Variants in GAMT observed in about 807,000 individuals in gnomAD.
GAMT encodes guanidinoacetate N-methyltransferase, also known as epididymis secretory protein Li 20.
In GAMT, 26 loss-of-function variants were observed where a neutral mutation model predicts 26.9. The ratio of observed to expected loss-of-function variants is 0.97; its 90% CI spans 0.71 to 1.34. The LOEUF is 1.34. Ranked by LOEUF, GAMT falls within the 40% of genes most tolerant of loss-of-function variation. The probability of loss-of-function intolerance (pLI) is 0.00; values close to 1 mark genes in which losing one functional copy is unlikely to be tolerated. For missense variants in GAMT, 412 were observed against 345.0 expected (o/e 1.19, Z -1.54); for synonymous variants, 169 against 149.6 (o/e 1.13, Z -0.95).
rs2074899 is a variant in GAMT, at chr19:1,397,505, C to T, written c.571-6G>A. 0.041 allele frequency: 65,326 copies of T among 1,601,914 alleles called. 3,667 individuals are homozygous for T. The highest frequency in any genetic ancestry group is 0.25 in the East Asian group (11,235 of 44,850). ...AGCGCGGGCACCTGCGTCTCCTGGT[C>T]GGGGATGGCACCAGGTCACCTCTGA... is the stretch of plus-strand genomic sequence containing the variant. On this transcript the variant is annotated splice_region_variant and splice_polypyrimidine_tract_variant and intron_variant, in intron 5 of 5. Transcript: ENST00000252288.
Position 1,397,214 on chromosome 19 carries a change from G to A in GAMT, c.*145C>T. 2.1e-6 allele frequency: 2 copies of A among 952,744 alleles called. No individual in the cohort carries two copies. The highest frequency in any genetic ancestry group is 3.2e-6 in the Non-Finnish European group (2 of 634,580). The allele number at this position is 952,744 out of a possible 1,614,324, so 59.0% of individuals were successfully genotyped here. ...GTGACACACAGCTGGGATCAGCCCT[G>A]GGCTGGTGGGACCCCTCACAGAGAA... is the stretch of plus-strand genomic sequence containing the variant. On this transcript the variant is annotated 3_prime_UTR_variant, in exon 6 of 6. Coordinates refer to ENST00000252288, the MANE Select transcript of GAMT (RefSeq NM_000156.6).
chr19:1,400,023 C>G, intron 1 of GAMT, 85 bp from the exon 2 acceptor site: 1 of 1,481,392 alleles, frequency 6.8e-7, no homozygotes, highest in Non-Finnish European at 9.1e-7. Flanking sequence ...CAGGGCAGGG[C>G]TGGGGAGACT....
intron 5 of GAMT, 38 bp from the exon 6 acceptor site, chr19:1,397,537 T>C (rs1278002679): frequency 3.8e-6 from 6 of 1,598,236 alleles, no homozygotes; most frequent in East Asian, 4.5e-5. Context: ...CTGAGGGCCA[T>C]GGGGGTCACG....
chr19:1,397,686 G>T, intron 5 of GAMT, 187 bp from the exon 6 acceptor site: 1 of 1,384,876 alleles, frequency 7.2e-7, no homozygotes, highest in South Asian at 1.5e-5. Context: ...TCCCCAGTGC[G>T]GGCAGCAGCT....
At position 1,397,390 on chromosome 19, in the gene GAMT, T is replaced by G; in HGVS notation, c.680A>C (p.Gln227Pro). 6.2e-7 allele frequency: 1 copy of G among 1,612,580 alleles called. No homozygotes were observed. The highest frequency in any genetic ancestry group is 2.2e-5 in the East Asian group (1 of 44,874). ...PADCRYYAFPQMITPLVTKG is the reference protein window; with the variant it reads ...PADCRYYAFPPMITPLVTKG ...TTTGGTCACCAGGGGCGTGATCATC[T>G]GTGGGAAGGCGTAGTAGCGGCAGTC... is the stretch of plus-strand genomic sequence containing the variant. The change falls in exon 6 of 6, where the codon CAG becomes CCG. Residue 227 changes from glutamine (Q) to proline (P), a missense_variant. Coordinates refer to ENST00000252288, the MANE Select transcript of GAMT (RefSeq NM_000156.6).
rs1454250040 is a variant in GAMT, at chr19:1,399,021, G to T, written c.465C>A (p.His155Gln). 7 of 1,613,354 alleles carry T rather than the reference G, an allele frequency of 4.3e-6. No homozygotes were observed. The highest frequency in any genetic ancestry group is 1.6e-4 in the Middle Eastern group (1 of 6,084). The change falls in exon 5 of 6, where the codon CAC (histidine) becomes CAA (glutamine). Residue 155 changes from histidine (H) to glutamine (Q), a missense_variant. By Grantham distance (24) the His-to-Gln change is conservative (BLOSUM62 0). Coordinates refer to ENST00000252288, the MANE Select transcript of GAMT (RefSeq NM_000156.6). The surrounding 1 kb of genome is among the most constrained non-coding windows in gnomAD (Gnocchi z 6.2). ...HTHQFNFIKNHAFRLLKPGGV... is the reference protein window; with the variant it reads ...HTHQFNFIKNQAFRLLKPGGV... ...CCCCCGGCTTCAGCAGGCGAAAGGCGTGGTTCTGTGGAAGGGGAGTGGCCA... is the reference window on the plus strand; with the variant it reads ...CCCCCGGCTTCAGCAGGCGAAAGGCTTGGTTCTGTGGAAGGGGAGTGGCCA...
chr19:1,400,004 G>T, intron 1 of GAMT, 66 bp from the exon 2 acceptor site: 1 of 1,552,062 alleles, frequency 6.4e-7, no homozygotes, highest in Non-Finnish European at 8.7e-7. Context: ...CTGGAGGAGG[G>T]GCACAGGGCA....
In GAMT at chr19:1,398,658, G is replaced by A. The variant is rs1019223297; in HGVS notation, c.570+258C>T. On this transcript the variant is annotated intron_variant, in intron 5 of 5. Transcript: ENST00000252288. ...GAGGTCTTGCTCTGTAGCCCAGGCT[G>A]GTCTTGAACTCCTAGGCTCAAGCAA... 2.5e-6 allele frequency: 3 copies of A among 1,207,448 alleles called. No individual in the cohort carries two copies. The African/African-American group carries it at 4.6e-5, about 18-fold the overall frequency. 74.8% of individuals were successfully genotyped at this position (1,207,448 alleles called of 1,614,324 possible).
chr19:1,401,269 G>T, intron 1 of GAMT, 27 bp downstream of exon 1: 1 of 1,427,608 alleles, frequency 7.0e-7, no homozygotes, highest in East Asian at 2.9e-5. Context: ...GCGCCCCCGG[G>T]GGCGGTGCAG....
chr19:1,397,462 C>T lies in GAMT; in HGVS notation c.608G>A (p.Arg203Gln), dbSNP rs376499506. 71 of 1,608,656 alleles carry T rather than the reference C, an allele frequency of 4.4e-5. No individual in the cohort carries two copies. Among genetic ancestry groups the T allele is most frequent in the Admixed American group, 1.3e-4 (8 of 60,002 alleles). Residue 203 changes from arginine (R) to glutamine (Q), a missense_variant, in exon 6 of 6, where the codon CGG becomes CAG. Transcript: ENST00000252288. ...QVPALLEAGF[R>Q]RENIRTEVMA... The stretch of plus-strand genomic sequence containing the variant: ...CACCTCCGTACGGATGTTCTCCCTC[C>T]GGAAGCCGGCCTCCAGCAGCGCGGG...
At position 1,397,060 on chromosome 19, in the gene GAMT, A is replaced by G. The variant is rs2082603833; in HGVS notation, c.*299T>C. On this transcript the variant is annotated 3_prime_UTR_variant, in exon 6 of 6. Transcript: ENST00000252288. ...CCATGGGATGGGCGGGAGGTGAGGGAGCAGCCGCTGGAAGTAACAGTCGCA... is the reference window on the plus strand; with the variant it reads ...CCATGGGATGGGCGGGAGGTGAGGGGGCAGCCGCTGGAAGTAACAGTCGCA... The G allele has an allele frequency of 1.8e-5, 7 of 399,796 alleles. No homozygotes were observed. Among genetic ancestry groups the G allele is most frequent in the Admixed American group, 3.6e-5 (1 of 27,454 alleles). 24.8% of individuals were successfully genotyped at this position (399,796 alleles called of 1,614,324 possible). A position where few individuals can be genotyped will look rare whatever the true frequency, so the allele number is the denominator to read the frequency against.
chr19:1,401,270 G>A (rs1265079413), intron 1 of GAMT, 26 bp downstream of exon 1: 1 of 1,429,086 alleles, frequency 7.0e-7, no homozygotes, highest in South Asian at 1.4e-5. Context: ...CGCCCCCGGG[G>A]GCGGTGCAGG....
intron 5 of GAMT, chr19:1,398,584 C>T (rs941023490): frequency 2.3e-5 from 16 of 693,156 alleles, no homozygotes; most frequent in Middle Eastern, 4.1e-4. Context: ...TACAGGCACA[C>T]GCCACCACGC....
chr19:1,399,373 C>A lies in GAMT; in HGVS notation c.391+151G>T. The A allele has an allele frequency of 9.9e-7, 1 of 1,007,202 alleles. No homozygotes were observed. Among genetic ancestry groups the A allele is most frequent in the Non-Finnish European group, 1.5e-6 (1 of 658,724 alleles). 62.4% of individuals were successfully genotyped at this position (1,007,202 alleles called of 1,614,324 possible). ...CTCCAGGGCCCCTCCGTGAGCATGC[C>A]CATCCCCGGTGCTCCGCCATCCCAC... is the stretch of plus-strand genomic sequence containing the variant. On this transcript the variant is annotated intron_variant, in intron 3 of 5. Transcript: ENST00000252288. This position sits in a 1 kb window ranked among gnomAD's most constrained non-coding sequence, Gnocchi z 6.2.
intron 5 of GAMT, 77 bp downstream of exon 5, chr19:1,398,839 G>T (rs1423482344): frequency 6.3e-7 from 1 of 1,585,648 alleles, no homozygotes; most frequent in South Asian, 1.1e-5. Flanking sequence ...AGGTAGCAAG[G>T]TGGCTCCAGC....
chr19:1,401,005 CCA>C (rs1379233209), intron 1 of GAMT, among the ~76,000 whole-genome samples: 1 of 152,206 alleles, frequency 6.6e-6, no homozygotes, highest in Admixed American at 6.5e-5. Flanking sequence ...CCGGTTCCAC[CCA>C]GTTTCACCCA....
chr19:1,397,984 A>G, intron 5 of GAMT: 1 of 1,033,206 alleles, frequency 9.7e-7, no homozygotes, highest in Non-Finnish European at 1.2e-6. Flanking sequence ...CAGCAAAGAC[A>G]GCCAGGTGGA....
At position 1,397,509 on chromosome 19, in the gene GAMT, G is replaced by T; in HGVS notation, c.571-10C>A. The T allele has an allele frequency of 6.2e-7, 1 of 1,601,450 alleles. No homozygotes were observed. The highest frequency in any genetic ancestry group is 8.5e-7 in the Non-Finnish European group (1 of 1,179,798). On this transcript the variant is annotated splice_polypyrimidine_tract_variant and intron_variant, in intron 5 of 5. Transcript: ENST00000252288. Reference sequence around the variant, plus strand: ...CGGGCACCTGCGTCTCCTGGTCGGGGATGGCACCAGGTCACCTCTGAGGGC... The same window carrying T: ...CGGGCACCTGCGTCTCCTGGTCGGGTATGGCACCAGGTCACCTCTGAGGGC...
chr19:1,398,587 C>T, intron 5 of GAMT: 1 of 709,128 alleles, frequency 1.4e-6, no homozygotes, highest in South Asian at 1.9e-5. Flanking sequence ...AGGCACACGC[C>T]ACCACGCCCA....
Sources: allele counts gnomAD v4.1 joint callset (sites outside exome capture counted in the v4.1 genomes callset), GRCh38; gene constraint gnomAD v4.1.1; non-coding constraint Gnocchi (gnomAD v3.1); transcripts MANE v1.5; gene names NCBI Gene and HGNC (gene_info 2026-07-23, HGNC 2026-07-21).